PCDH9: variants seen among roughly 807,000 people sequenced by gnomAD.
PCDH9 encodes the protein protocadherin-9.
PCDH9 carries 24 observed loss-of-function variants against 70.6 expected under a neutral mutation model. The observed-to-expected ratio is 0.34, with a 90% CI of 0.25 to 0.48. PCDH9 has a LOEUF of 0.48. PCDH9 is among the 20% of genes least tolerant of loss of function. PCDH9 has a pLI of 0.99. For synonymous variants in PCDH9, 562 were observed against 558.5 expected (o/e 1.01, Z -0.09); for missense variants, 1,281 against 1,503.6 (o/e 0.85, Z 2.45).
chr13:66,437,404 C>CAAAAAAAAAAAAAAAAAAAA (rs66796123), intron 4 of PCDH9, among the ~76,000 whole-genome samples: 5 of 45,588 alleles, frequency 1.1e-4, no homozygotes, highest in African/African-American at 3.4e-4. Context: ...GACTCTGTCT[C>CAAAAAAAAAAAAAAAAAAAA]AAAAAAAAAA....
intron 3 of PCDH9, among the ~76,000 whole-genome samples, chr13:66,847,874 A>G (rs2081240100): frequency 1.3e-5 from 2 of 152,314 alleles, no homozygotes; most frequent in African/African-American, 2.4e-5. Context: ...CGGCAACGTA[A>G]AAGTTATTGT....
intron 4 of PCDH9, among the ~76,000 whole-genome samples, chr13:66,595,112 C>T (rs78291481): frequency 0.058 from 8,795 of 151,572 alleles, 320 homozygotes; most frequent in South Asian, 0.1. Flanking sequence ...GGAGATAGGC[C>T]TTCTGTCAGC....
At chr13:66,533,105 C>G (rs2138637425) in intron 4 of PCDH9, among the ~76,000 whole-genome samples, 1 of 152,276 alleles carries the variant, frequency 6.6e-6, no homozygotes, top group South Asian at 2.1e-4. Context: ...TTCAGGGCTT[C>G]TGGGCTGACG....
intron 2 of PCDH9, among the ~76,000 whole-genome samples, chr13:67,014,028 A>G (rs2084507686): frequency 6.6e-6 from 1 of 152,056 alleles, no homozygotes; most frequent in African/African-American, 2.4e-5. Flanking sequence ...CTTCATATTC[A>G]AGGTGTTTAA....
At chr13:66,371,140 A>C (rs988048312) in intron 4 of PCDH9, among the ~76,000 whole-genome samples, 5 of 152,136 alleles carry the variant, frequency 3.3e-5, no homozygotes, top group Non-Finnish European at 7.4e-5. Flanking sequence ...TGTGAGTTCA[A>C]AAATAGCACA....
chr13:66,932,681 T>TATATATATATATATATATACACAC (rs1313632174), intron 2 of PCDH9, among the ~76,000 whole-genome samples: 3 of 114,818 alleles, frequency 2.6e-5, no homozygotes, highest in African/African-American at 1.0e-4. Context: ...TATATATATA[T>TATATATATATATATATATACACAC]ACACACACAC....
At chr13:67,078,666 ACTTATAG>A in intron 2 of PCDH9, among the ~76,000 whole-genome samples, 1 of 152,220 alleles carries the variant, frequency 6.6e-6, no homozygotes, top group Non-Finnish European at 1.5e-5. Context: ...AAAGTTCTTT[ACTTATAG>A]CTCTTCCGAA....
In PCDH9 at chr13:66,779,849, C is replaced by CTATATATATATA. The variant is rs1185055569; in HGVS notation, c.3138+123643_3138+123654dup. On this transcript the variant is annotated intron_variant, in intron 3 of 4. Transcript: ENST00000377865. Reference sequence around the variant, plus strand: ...TCTCTCTCTCTCTCTCTCTCTCTCTCTATATATATATATATATACATATAT... The same window carrying CTATATATATATA: ...TCTCTCTCTCTCTCTCTCTCTCTCTCTATATATATATATATATATATATATATATACATATAT... 4.6e-3 allele frequency among the ~76,000 whole-genome samples: 362 copies of CTATATATATATA among 78,856 alleles called. 5 individuals carry two copies. Among genetic ancestry groups the CTATATATATATA allele is most frequent in the African/African-American group, 0.011 (215 of 19,388 alleles). The allele number at this position is 78,856 out of a possible 152,430, so 51.7% of individuals were successfully genotyped here.
chr13:66,720,644 A>C (rs1448216395), intron 3 of PCDH9, among the ~76,000 whole-genome samples: 2 of 152,178 alleles, frequency 1.3e-5, no homozygotes, highest in Non-Finnish European at 2.9e-5. Context: ...TAAAATGCAA[A>C]GTTAAGATTT....
chr13:67,081,295 G>A (rs1223625179), intron 2 of PCDH9, among the ~76,000 whole-genome samples: 5 of 152,254 alleles, frequency 3.3e-5, no homozygotes, highest in Middle Eastern at 3.4e-3. Context: ...AAGGCTGGGC[G>A]CAGTGGCTCA....
intron 4 of PCDH9, among the ~76,000 whole-genome samples, chr13:66,438,240 A>T (rs1462941561): frequency 6.6e-6 from 1 of 152,132 alleles, no homozygotes; most frequent in African/African-American, 2.4e-5. Context: ...GCTCAAAAAA[A>T]AAAAAAAGTA....
chr13:66,745,418 G>T (rs1488647084), intron 3 of PCDH9, among the ~76,000 whole-genome samples: 1 of 152,144 alleles, frequency 6.6e-6, no homozygotes, highest in African/African-American at 2.4e-5. Flanking sequence ...TCAACAAATG[G>T]TAAATTGCGC....
At chr13:66,993,268 A>G (rs2084040585) in intron 2 of PCDH9, among the ~76,000 whole-genome samples, 1 of 152,204 alleles carries the variant, frequency 6.6e-6, no homozygotes, top group Non-Finnish European at 1.5e-5. Flanking sequence ...ATTAACCAAG[A>G]AAATGGTTGT....
chr13:67,074,601 A>G (rs2085840475), intron 2 of PCDH9, among the ~76,000 whole-genome samples: 1 of 152,182 alleles, frequency 6.6e-6, no homozygotes, highest in Non-Finnish European at 1.5e-5. Context: ...TTCCTGAAGT[A>G]CCACTCAAGA....
chr13:67,160,349 T>A (rs1309161019), intron 2 of PCDH9, among the ~76,000 whole-genome samples: 1 of 152,026 alleles, frequency 6.6e-6, no homozygotes, highest in Admixed American at 6.5e-5. Flanking sequence ...ATAGAGACCA[T>A]CCTGGCGAAC....
intron 2 of PCDH9, among the ~76,000 whole-genome samples, chr13:66,945,901 C>T (rs2083080718): frequency 6.6e-6 from 1 of 152,100 alleles, no homozygotes; most frequent in Non-Finnish European, 1.5e-5. Context: ...ATCTGAATTA[C>T]AGTTTCAAAA....
At chr13:66,842,922 C>A (rs2081140642) in intron 3 of PCDH9, among the ~76,000 whole-genome samples, 3 of 152,098 alleles carry the variant, frequency 2.0e-5, no homozygotes, top group Non-Finnish European at 4.4e-5. Context: ...CAGAAACATG[C>A]CCAGCCTCTA....
At chr13:66,350,837 C>T (rs1229652537) in intron 4 of PCDH9, among the ~76,000 whole-genome samples, 1 of 152,176 alleles carries the variant, frequency 6.6e-6, no homozygotes, top group Non-Finnish European at 1.5e-5. Flanking sequence ...CAGAATCTCT[C>T]ACAATTCTTC....
At chr13:67,143,005 T>C (rs1015320191) in intron 2 of PCDH9, among the ~76,000 whole-genome samples, 4 of 150,864 alleles carry the variant, frequency 2.7e-5, no homozygotes, top group African/African-American at 9.8e-5. Flanking sequence ...CTAGACTACG[T>C]ATCAAAAAAA....
Sources: allele counts gnomAD v4.1 joint callset (sites outside exome capture counted in the v4.1 genomes callset), GRCh38; gene constraint gnomAD v4.1.1; transcripts MANE v1.5; gene names NCBI Gene and HGNC (gene_info 2026-07-23, HGNC 2026-07-21).